Variants in SPSB1 observed in about 807,000 individuals in gnomAD.
SPSB1 encodes the protein SPRY domain-containing SOCS box protein 1.
In SPSB1, 8 loss-of-function variants were observed where a neutral mutation model predicts 21.2. That is an observed-to-expected ratio of 0.38 (90% CI 0.22 to 0.68). The LOEUF is 0.68. SPSB1 is among the 30% of genes least tolerant of loss of function. SPSB1 has a pLI of 0.53. For synonymous variants in SPSB1, 169 were observed against 161.7 expected (o/e 1.05, Z -0.34); for missense variants, 242 against 377.8 (o/e 0.64, Z 2.98).
intron 1 of SPSB1, among the ~76,000 whole-genome samples, chr1:9,339,056 G>A (rs537065383): frequency 2.0e-5 from 3 of 152,134 alleles, no homozygotes; most frequent in Admixed American, 6.5e-5. Flanking sequence ...ACCAAGGGCC[G>A]CTTCCCCTTG....
intron 1 of SPSB1, among the ~76,000 whole-genome samples, chr1:9,300,243 C>T (rs1255655586): frequency 6.6e-6 from 1 of 152,202 alleles, no homozygotes; most frequent in Non-Finnish European, 1.5e-5. Context: ...AGGCACAATG[C>T]CTCGTGGGCC....
At chr1:9,335,886 C>T (rs1188018072) in intron 1 of SPSB1, among the ~76,000 whole-genome samples, 1 of 69,872 alleles carries the variant, frequency 1.4e-5, no homozygotes, top group Non-Finnish European at 2.7e-5. Flanking sequence ...GAGTTTTTAC[C>T]CTCCGAATGT....
At chr1:9,309,355 T>C (rs1639479926) in intron 1 of SPSB1, among the ~76,000 whole-genome samples, 1 of 151,398 alleles carries the variant, frequency 6.6e-6, no homozygotes, top group South Asian at 2.1e-4. Context: ...TCTCTCTCTG[T>C]CACCCAGGCT....
rs975350073 is a variant in SPSB1, at chr1:9,367,287, A to G, written c.695-161A>G. On this transcript the variant is annotated intron_variant, in intron 2 of 2. Coordinates refer to ENST00000328089, the MANE Select transcript of SPSB1 (RefSeq NM_025106.4). The surrounding 1 kb of genome is among the most constrained non-coding windows in gnomAD (Gnocchi z 5.9). ...CCAGGGTGGGCTCCTGGTGGCAGCT[A>G]TTCACATGCTAAATTTAAAATGAAA... is the stretch of plus-strand genomic sequence containing the variant. Among the ~76,000 whole-genome samples the G allele has an allele frequency of 1.3e-5, 2 of 152,210 alleles. No individual in the cohort carries two copies. Among genetic ancestry groups the G allele is most frequent in the African/African-American group, 4.8e-5 (2 of 41,446 alleles).
chr1:9,308,163 G>A (rs141033487), intron 1 of SPSB1, among the ~76,000 whole-genome samples: 13 of 152,334 alleles, frequency 8.5e-5, no homozygotes, highest in East Asian at 3.9e-4. Context: ...AGGCCCAAAG[G>A]GGGTGGACTG....
chr1:9,335,891 G>A (rs1459703972), intron 1 of SPSB1, among the ~76,000 whole-genome samples: 2 of 68,370 alleles, frequency 2.9e-5, no homozygotes, highest in East Asian at 2.6e-4. Context: ...TTTACCCTCC[G>A]AATGTCAATG....
chr1:9,353,382 G>A (rs139856142), intron 1 of SPSB1, among the ~76,000 whole-genome samples: 44 of 152,300 alleles, frequency 2.9e-4, no homozygotes, highest in African/African-American at 9.9e-4. Flanking sequence ...CCTCTGCAGC[G>A]CCATGGAGGG....
chr1:9,330,332 G>A (rs1639893469), intron 1 of SPSB1, among the ~76,000 whole-genome samples: 1 of 152,140 alleles, frequency 6.6e-6, no homozygotes, highest in South Asian at 2.1e-4. Flanking sequence ...AAATTAGTCG[G>A]GCGTGGTGGT....
intron 1 of SPSB1, among the ~76,000 whole-genome samples, chr1:9,325,557 C>T (rs988223773): frequency 6.6e-6 from 1 of 151,290 alleles, no homozygotes; most frequent in South Asian, 2.1e-4. Flanking sequence ...CAGGTGGCAC[C>T]GTGGAACAGA....
chr1:9,298,546 A>C (rs1485361838), intron 1 of SPSB1, among the ~76,000 whole-genome samples: 2 of 152,222 alleles, frequency 1.3e-5, no homozygotes, highest in African/African-American at 4.8e-5. Flanking sequence ...TTTTTCTCCT[A>C]GCCTTCCCCA....
intron 1 of SPSB1, among the ~76,000 whole-genome samples, chr1:9,347,529 T>G (rs1640182198): frequency 6.6e-6 from 1 of 152,228 alleles, no homozygotes; most frequent in Non-Finnish European, 1.5e-5. Flanking sequence ...CCTACAAACA[T>G]AAATAGGCGC....
chr1:9,366,110 C>T (rs1293054844), intron 2 of SPSB1, among the ~76,000 whole-genome samples: 1 of 152,222 alleles, frequency 6.6e-6, no homozygotes, highest in East Asian at 1.9e-4. Context: ...GCTGGGCGCT[C>T]TGGGAACACA....
intron 2 of SPSB1, among the ~76,000 whole-genome samples, chr1:9,365,194 C>T (rs1459723187): frequency 6.6e-6 from 1 of 152,076 alleles, no homozygotes; most frequent in Non-Finnish European, 1.5e-5. Context: ...GTTACGCAGG[C>T]TGGAATACAG....
chr1:9,300,290 G>C (rs1639307520), intron 1 of SPSB1, among the ~76,000 whole-genome samples: 2 of 152,158 alleles, frequency 1.3e-5, no homozygotes, highest in African/African-American at 4.8e-5. Flanking sequence ...CCTCATTTGG[G>C]TGTGTTACTC....
In SPSB1 at chr1:9,367,836, C is replaced by T; in HGVS notation, c.*261C>T. On this transcript the variant is annotated 3_prime_UTR_variant, in exon 3 of 3. Coordinates refer to ENST00000328089, the MANE Select transcript of SPSB1 (RefSeq NM_025106.4). This position sits in a 1 kb window ranked among gnomAD's most constrained non-coding sequence, Gnocchi z 5.9. The stretch of plus-strand genomic sequence containing the variant: ...TATACAACCCCTCTTTGAAAAAAGA[C>T]ACAGAGAATAAACTCCTACGAAAGC... The T allele has an allele frequency of 1.9e-6, 1 of 527,350 alleles. No homozygotes were observed. Among genetic ancestry groups the T allele is most frequent in the Non-Finnish European group, 3.3e-6 (1 of 300,516 alleles). The allele number at this position is 527,350 out of a possible 1,614,324, so 32.7% of individuals were successfully genotyped here.
chr1:9,342,789 A>G (rs1156684233), intron 1 of SPSB1, among the ~76,000 whole-genome samples: 1 of 152,204 alleles, frequency 6.6e-6, no homozygotes, highest in African/African-American at 2.4e-5. Context: ...GCCAAACCAC[A>G]GCCCTGCACT....
intron 1 of SPSB1, among the ~76,000 whole-genome samples, chr1:9,353,154 C>T (rs483823): frequency 2.6e-5 from 4 of 152,034 alleles, no homozygotes; most frequent in African/African-American, 7.2e-5. Context: ...TCTGCACCCC[C>T]GCTCCATGCA....
chr1:9,318,958 G>A (rs945804037), intron 1 of SPSB1, among the ~76,000 whole-genome samples: 4 of 146,922 alleles, frequency 2.7e-5, no homozygotes, highest in African/African-American at 1.0e-4. Flanking sequence ...GGGAGGCTGA[G>A]GCGGGCACAT....
chr1:9,361,337 G>A (rs542144597), intron 2 of SPSB1, among the ~76,000 whole-genome samples: 1 of 151,848 alleles, frequency 6.6e-6, no homozygotes, highest in African/African-American at 2.4e-5. Flanking sequence ...CTGATCTGGG[G>A]CTTTGCTGTC....
Sources: allele counts gnomAD v4.1 joint callset (sites outside exome capture counted in the v4.1 genomes callset), GRCh38; gene constraint gnomAD v4.1.1; non-coding constraint Gnocchi (gnomAD v3.1); transcripts MANE v1.5; gene names NCBI Gene and HGNC (gene_info 2026-07-23, HGNC 2026-07-21).